Variants in GALK2 observed in about 807,000 individuals in gnomAD.
GALK2 encodes N-acetylgalactosamine kinase.
A neutral mutation model predicts 52.4 loss-of-function variants in GALK2; 36 were observed. The ratio of observed to expected loss-of-function variants is 0.69; its 90% CI spans 0.53 to 0.91. The LOEUF (loss-of-function observed/expected upper bound fraction) is 0.91. Ranked by LOEUF, GALK2 falls within the 40% of genes least tolerant of loss-of-function variation. The probability of loss-of-function intolerance (pLI) is 0.00; values close to 1 mark genes in which losing one functional copy is unlikely to be tolerated. For missense variants in GALK2, 579 were observed against 559.1 expected, an observed-to-expected ratio of 1.04 and a Z score of -0.36; for synonymous variants, 176 against 199.1, an observed-to-expected ratio of 0.88 and a Z score of 0.98.
rs367656926 is a variant in GALK2 at position 49,203,652 on chromosome 15, G to C, written c.142+2402G>C. Among the ~76,000 whole-genome samples the C allele has an allele frequency of 2.0e-5, 3 of 152,078 alleles. No homozygotes were observed. In the South Asian group the frequency reaches 6.2e-4, roughly 32 times the overall value. Reference sequence around the variant, plus strand: ...TATGTTTTCTTCTAGTAGTTTCATAGTTTCAGTTCTGATGTTTAAGTCTTT... The same window carrying C: ...TATGTTTTCTTCTAGTAGTTTCATACTTTCAGTTCTGATGTTTAAGTCTTT... On this transcript the variant is annotated intron_variant, in intron 2 of 9. Coordinates refer to ENST00000560031, the MANE Select transcript of GALK2 (RefSeq NM_002044.4).
intron 3 of GALK2, among the ~76,000 whole-genome samples, chr15:49,234,982 G>T (rs1270505455): frequency 1.3e-5 from 2 of 152,090 alleles, no homozygotes; most frequent in Non-Finnish European, 2.9e-5. Context: ...GGCCAGGCTT[G>T]TCTCGAACTC....
chr15:49,240,572 A>G (rs1289468161), intron 5 of GALK2, among the ~76,000 whole-genome samples: 1 of 152,232 alleles, frequency 6.6e-6, no homozygotes. Flanking sequence ...GGACATCTAA[A>G]TGGAGACAAC....
At position 49,159,379 on chromosome 15, in the gene GALK2, C is replaced by G. The variant is rs567916760; in HGVS notation, c.20+3363C>G. Among the ~76,000 whole-genome samples, 4 of 152,102 alleles carry G rather than the reference C, an allele frequency of 2.6e-5. No individual in the cohort carries two copies. The East Asian group carries it at 7.7e-4, about 29-fold the overall frequency. Reference sequence around the variant, plus strand: ...CCACCTGAGGTCAGGAGTTTGAGACCAGCCTGGCCAGCATGGCAAAACCCT... The same window carrying G: ...CCACCTGAGGTCAGGAGTTTGAGACGAGCCTGGCCAGCATGGCAAAACCCT... On this transcript the variant is annotated intron_variant, in intron 1 of 9. Coordinates refer to the GALK2 transcript ENST00000327171.
intron 5 of GALK2, among the ~76,000 whole-genome samples, chr15:49,272,937 C>CT (rs2030955246): frequency 6.6e-6 from 1 of 152,116 alleles, no homozygotes; most frequent in Non-Finnish European, 1.5e-5. Flanking sequence ...TTTCTCTTGT[C>CT]GACAAGTCTG....
intron 1 of GALK2, chr15:49,178,557 A>G (rs1182891575): frequency 8.0e-6 from 2 of 250,462 alleles, no homozygotes; most frequent in Admixed American, 4.2e-5. Flanking sequence ...CGAATCCTAT[A>G]TATAACGTAA....
At chr15:49,202,772 C>T (rs1277042515) in intron 2 of GALK2, among the ~76,000 whole-genome samples, 2 of 152,100 alleles carry the variant, frequency 1.3e-5, no homozygotes, top group African/African-American at 4.8e-5. Context: ...TTTGAGGAGC[C>T]TTCATACTGT....
chr15:49,161,615 C>A (rs909332134), intron 1 of GALK2: 3 of 152,176 alleles, frequency 2.0e-5, no homozygotes, highest in Non-Finnish European at 4.4e-5. Context: ...GTTTTTAAAA[C>A]ATATTTTCAT....
chr15:49,313,732 G>T (rs1359736459), intron 8 of GALK2, among the ~76,000 whole-genome samples: 1 of 152,148 alleles, frequency 6.6e-6, no homozygotes, highest in Non-Finnish European at 1.5e-5. Flanking sequence ...AGAACTGTTG[G>T]TTAACTTTTG....
At chr15:49,277,911 C>T (rs549468027) in intron 5 of GALK2, among the ~76,000 whole-genome samples, 1 of 152,296 alleles carries the variant, frequency 6.6e-6, no homozygotes, top group African/African-American at 2.4e-5. Context: ...TTACTACAGG[C>T]ATGTTTTATT....
intron 2 of GALK2, among the ~76,000 whole-genome samples, chr15:49,213,522 C>G (rs1027377870): frequency 1.3e-5 from 2 of 152,110 alleles, no homozygotes; most frequent in Non-Finnish European, 2.9e-5. Flanking sequence ...CCCTCCACCC[C>G]ACAATTGGCC....
chr15:49,293,366 C>T (rs1276041439), intron 8 of GALK2, among the ~76,000 whole-genome samples: 1 of 152,248 alleles, frequency 6.6e-6, no homozygotes, highest in African/African-American at 2.4e-5. Context: ...GTTTCTAACA[C>T]TGTCGATCCA....
At chr15:49,353,017 A>T (rs1177851827) in intron 3 of GALK2, among the ~76,000 whole-genome samples, 2 of 152,174 alleles carry the variant, frequency 1.3e-5, no homozygotes, top group East Asian at 1.9e-4. Flanking sequence ...TGGCAAAAAC[A>T]GTGTCTAAGC....
chr15:49,349,840 A>T (rs1445876916), intron 3 of GALK2, among the ~76,000 whole-genome samples: 1 of 152,142 alleles, frequency 6.6e-6, no homozygotes, highest in Non-Finnish European at 1.5e-5. Context: ...ATTTTTCTGT[A>T]AGCAAAAACG....
chr15:49,358,997 CT>C (rs1366928101), intron 3 of GALK2, among the ~76,000 whole-genome samples: 1 of 151,668 alleles, frequency 6.6e-6, no homozygotes, highest in Admixed American at 6.6e-5. Flanking sequence ...AAAGGATTCC[CT>C]ATTTAATAAA....
intron 1 of GALK2, among the ~76,000 whole-genome samples, chr15:49,187,952 T>C (rs999200972): frequency 1.3e-5 from 2 of 152,106 alleles, no homozygotes; most frequent in African/African-American, 2.4e-5. Flanking sequence ...CTGGTACCCA[T>C]GCTTCAGGAC....
At chr15:49,283,511 A>G in intron 6 of GALK2, 55 bp from the exon 7 acceptor site, 9 of 1,446,962 alleles carry the variant, frequency 6.2e-6, no homozygotes, top group Non-Finnish European at 8.6e-6. Context: ...TAAACACTTG[A>G]ACATTTTCTG....
Position 49,214,399 on chromosome 15 carries a change from C to T in GALK2, c.143-2791C>T, listed in dbSNP as rs190004608. Among the ~76,000 whole-genome samples, 1,018 of 143,148 alleles carry T rather than the reference C, an allele frequency of 7.1e-3. 7 individuals carry two copies. The highest frequency in any genetic ancestry group is 0.011 in the Non-Finnish European group (767 of 66,750). 93.9% of individuals were successfully genotyped at this position (143,148 alleles called of 152,430 possible). On this transcript the variant is annotated intron_variant, in intron 2 of 9. Transcript: ENST00000560031. Reference sequence around the variant, plus strand: ...CAGGCTGGATACAGTGGCGTGATCTCGGCTCACTTCAACCTCTGCCTCCCG... The same window carrying T: ...CAGGCTGGATACAGTGGCGTGATCTTGGCTCACTTCAACCTCTGCCTCCCG...
intron 5 of GALK2, 128 bp downstream of exon 5, chr15:49,239,495 G>A (rs2090990752): frequency 1.3e-6 from 1 of 798,662 alleles, no homozygotes; most frequent in Non-Finnish European, 2.0e-6. Flanking sequence ...ATGTGGGCAA[G>A]CATTGTAACT....
chr15:49,259,001 T>C (rs1352694172), intron 5 of GALK2, among the ~76,000 whole-genome samples: 1 of 151,732 alleles, frequency 6.6e-6, no homozygotes, highest in Non-Finnish European at 1.5e-5. Context: ...GGGTTGTTTT[T>C]TTCTTGTAAA....
Sources: gnomAD v4.1 joint callset for allele counts (sites outside exome capture counted in the v4.1 genomes callset) on GRCh38, gnomAD v4.1.1 for gene constraint, MANE v1.5 for transcripts, NCBI Gene and HGNC (gene_info 2026-07-23, HGNC 2026-07-21) for gene names.